The following LAMA3 variants were observed in gnomAD, a reference collection of about 807,000 sequenced individuals.
LAMA3 encodes laminin subunit alpha 3, also known as laminin subunit alpha-3.
LAMA3 carries 281 observed loss-of-function variants against 402.0 expected under a neutral mutation model. The observed-to-expected ratio is 0.70, with a 90% CI of 0.63 to 0.77. LAMA3 has a LOEUF of 0.77. Ranked by LOEUF, LAMA3 falls within the 30% of genes least tolerant of loss-of-function variation. LAMA3 has a pLI of 0.00. For synonymous variants in LAMA3, 1,431 were observed against 1,558.4 expected, an observed-to-expected ratio of 0.92 and a Z score of 1.93; for missense variants, 3,840 against 4,215.5, an observed-to-expected ratio of 0.91 and a Z score of 2.47.
At chr18:23,864,160 A>C (rs2064292803) in intron 35 of LAMA3, among the ~76,000 whole-genome samples, 1 of 152,158 alleles carries the variant, frequency 6.6e-6, no homozygotes, top group East Asian at 1.9e-4. Flanking sequence ...TTGGTTTAGT[A>C]ATCATCTAGA....
intron 2 of LAMA3, among the ~76,000 whole-genome samples, chr18:23,717,379 TCAC>T (rs1329806130): frequency 6.6e-6 from 1 of 152,116 alleles, no homozygotes; most frequent in Non-Finnish European, 1.5e-5. Context: ...CAAAATCACT[TCAC>T]CTGCTAAGAA....
intron 38 of LAMA3, chr18:23,872,938 A>G: frequency 7.0e-7 from 1 of 1,429,470 alleles, no homozygotes; most frequent in Non-Finnish European, 9.7e-7. Flanking sequence ...TGCCGCAGAC[A>G]GCCTTCCTCA....
intron 7 of LAMA3, among the ~76,000 whole-genome samples, chr18:23,759,337 A>G (rs1226798753): frequency 6.6e-6 from 1 of 151,968 alleles, no homozygotes; most frequent in African/African-American, 2.4e-5. Context: ...TGTCAAAAAA[A>G]AAAAAAAAAA....
rs113063650 is a variant in LAMA3 at position 23,736,378 on chromosome 18, G to A, written c.448-11565G>A. Among the ~76,000 whole-genome samples, 580 of 150,822 alleles carry A rather than the reference G, an allele frequency of 3.8e-3. 3 individuals are homozygous for A. Among genetic ancestry groups the A allele is most frequent in the Middle Eastern group, 0.024 (7 of 294 alleles). ...TATTTCTTTGCTTTTGATGACTATA[G>A]GGTGGTATTTGTATGGTCAATTAGT... On this transcript the variant is annotated intron_variant, in intron 2 of 74. Transcript: ENST00000313654.
intron 50 of LAMA3, 111 bp from the exon 51 acceptor site, chr18:23,904,442 A>T: frequency 2.0e-5 from 8 of 406,496 alleles, no homozygotes; most frequent in Non-Finnish European, 2.6e-5. Flanking sequence ...TCCATTTCTT[A>T]AAAAAAAAAA....
At chr18:23,699,154 C>T (rs1568088426) in intron 1 of LAMA3, among the ~76,000 whole-genome samples, 2 of 152,260 alleles carry the variant, frequency 1.3e-5, no homozygotes, top group South Asian at 2.1e-4. Context: ...TGGGAGAGGG[C>T]GACCCTGGAG....
chr18:23,884,257 G>A (rs1336129562), intron 40 of LAMA3, among the ~76,000 whole-genome samples: 3 of 152,234 alleles, frequency 2.0e-5, no homozygotes, highest in Admixed American at 1.3e-4. Context: ...TGTGCCCACA[G>A]AAATGCCGAG....
At chr18:23,933,476 A>G (rs2082224946) in intron 66 of LAMA3, among the ~76,000 whole-genome samples, 1 of 152,222 alleles carries the variant, frequency 6.6e-6, no homozygotes, top group Admixed American at 6.5e-5. Context: ...ATGTGTAATG[A>G]TCAAATCTGG....
Position 23,909,196 on chromosome 18 carries a change from T to G in LAMA3, c.7059T>G (p.Ile2353Met). Reference sequence around the variant, plus strand: ...AACTACCTGATCTTTGGCGCAAGATTGAAAGTATCAACCAACAGCTGTTGC... The same window carrying G: ...AACTACCTGATCTTTGGCGCAAGATGGAAAGTATCAACCAACAGCTGTTGC... ...TNKLPDLWRK[I>M]ESINQQLLPL... is the part of the protein sequence containing the mutation. Residue 2353 changes from isoleucine (I) to methionine (M), a missense_variant, in exon 55 of 75, where the codon ATT (isoleucine) becomes ATG (methionine). Ile to Met is a conservative substitution (Grantham distance 10). Coordinates refer to ENST00000313654, the MANE Select transcript of LAMA3 (RefSeq NM_198129.4). 3.7e-6 allele frequency: 6 copies of G among 1,614,090 alleles called. No homozygotes were observed. Among genetic ancestry groups the G allele is most frequent in the Middle Eastern group, 1.6e-4 (1 of 6,062 alleles).
At chr18:23,743,276 G>T (rs2061594029) in intron 2 of LAMA3, among the ~76,000 whole-genome samples, 1 of 152,158 alleles carries the variant, frequency 6.6e-6, no homozygotes, top group Non-Finnish European at 1.5e-5. Context: ...ATAGCCAGTG[G>T]GTGACAGGGC....
chr18:23,831,980 G>T (rs1027643322), intron 23 of LAMA3, among the ~76,000 whole-genome samples: 2 of 152,174 alleles, frequency 1.3e-5, no homozygotes, highest in African/African-American at 2.4e-5. Context: ...ACAGCAAGCA[G>T]TAAAGTTTCT....
intron 8 of LAMA3, among the ~76,000 whole-genome samples, chr18:23,772,222 A>G (rs1375631515): frequency 6.6e-6 from 1 of 152,012 alleles, no homozygotes; most frequent in Non-Finnish European, 1.5e-5. Context: ...TTATATTTTT[A>G]GCAGAGACGG....
chr18:23,890,262 C>G (rs978126081), intron 42 of LAMA3, 145 bp downstream of exon 42: 1 of 690,500 alleles, frequency 1.4e-6, no homozygotes, highest in Non-Finnish European at 2.6e-6. Context: ...TACACAATTC[C>G]AGCCAGCAAG....
At chr18:23,710,214 T>C in intron 1 of LAMA3, 1 of 647,988 alleles carries the variant, frequency 1.5e-6, no homozygotes, top group Non-Finnish European at 2.8e-6. Flanking sequence ...CACTGCCTTC[T>C]TGGCCTTCAA....
Position 23,907,583 on chromosome 18 carries a change from C to A in LAMA3, c.6752C>A (p.Thr2251Asn). The stretch of plus-strand genomic sequence containing the variant: ...CCAGCTCTCAACAACCTACAGCAAA[C>A]CCTGAATATTGTGACAGTTCAGAAA... ...VSPALNNLQQ[T>N]LNIVTVQKEV... is the part of the protein sequence containing the mutation. Residue 2251 changes from threonine (T) to asparagine (N), a missense_variant, in exon 53 of 75, where the codon ACC becomes AAC. Physicochemically the swap from Thr to Asn is moderately conservative, Grantham distance 65. Coordinates refer to ENST00000313654, the MANE Select transcript of LAMA3 (RefSeq NM_198129.4). 12 of 1,613,970 alleles carry A rather than the reference C, an allele frequency of 7.4e-6. No individual in the cohort carries two copies. Among genetic ancestry groups the A allele is most frequent in the Non-Finnish European group, 1.0e-5 (12 of 1,179,844 alleles).
rs777413958 is a variant in LAMA3, at chr18:23,814,357, G to A, written c.1789-46G>A. On this transcript the variant is annotated intron_variant, in intron 14 of 74. Coordinates refer to ENST00000313654, the MANE Select transcript of LAMA3 (RefSeq NM_198129.4). ...TGCTCACGCACAGGTTTGAAAACAT[G>A]TCTTAATTCCAAGATGTCAAATGTT... The A allele has an allele frequency of 2.9e-6, 4 of 1,381,312 alleles. No homozygotes were observed. In the East Asian group the frequency reaches 9.1e-5, roughly 32 times the overall value. 85.6% of individuals were successfully genotyped at this position (1,381,312 alleles called of 1,614,324 possible).
chr18:23,813,265 A>AT lies in LAMA3; in HGVS notation c.1788+172dup, dbSNP rs11420756. 0.7 allele frequency among the ~76,000 whole-genome samples: 105,716 copies of AT among 150,862 alleles called. 37,257 individuals are homozygous for AT. Among genetic ancestry groups the AT allele is most frequent in the East Asian group, 0.82 (4,207 of 5,128 alleles). ...TTCAAAGAGCATATGTGATTTTGTG[A>AT]TTTTTTTTTTCAAAAACAAAAGAAT... is the stretch of plus-strand genomic sequence containing the variant. On this transcript the variant is annotated intron_variant, in intron 14 of 74. Transcript: ENST00000313654.
intron 2 of LAMA3, among the ~76,000 whole-genome samples, chr18:23,725,260 C>T (rs2061278878): frequency 6.6e-6 from 1 of 152,130 alleles, no homozygotes; most frequent in Admixed American, 6.5e-5. Flanking sequence ...TAGGTATGGG[C>T]CACCACGCCC....
intron 1 of LAMA3, among the ~76,000 whole-genome samples, chr18:23,695,154 C>T (rs1416678734): frequency 6.6e-6 from 1 of 152,146 alleles, no homozygotes; most frequent in Non-Finnish European, 1.5e-5. Flanking sequence ...AAGGATCCTT[C>T]CTCTACATAT....
Sources: allele counts gnomAD v4.1 joint callset (sites outside exome capture counted in the v4.1 genomes callset), GRCh38; gene constraint gnomAD v4.1.1; transcripts MANE v1.5; gene names NCBI Gene and HGNC (gene_info 2026-07-23, HGNC 2026-07-21).